CERS6: variants seen among roughly 807,000 people sequenced by gnomAD.
CERS6 encodes LAG1 homolog, ceramide synthase 6.
Under a neutral mutation model 56.8 loss-of-function variants are expected in CERS6, and 26 were observed. The ratio of observed to expected loss-of-function variants is 0.46; its 90% CI spans 0.34 to 0.63. The LOEUF (loss-of-function observed/expected upper bound fraction) is 0.63, where lower values mean the gene tolerates loss of function less well. Ranked by LOEUF, CERS6 falls within the 30% of genes least tolerant of loss-of-function variation. The pLI is 0.01. For synonymous variants in CERS6, 164 were observed against 173.3 expected (o/e 0.95, Z 0.42); for missense variants, 415 against 467.5 (o/e 0.89, Z 1.04).
chr2:168,757,277 G>A (rs114798880), intron 8 of CERS6, among the ~76,000 whole-genome samples: 1 of 151,486 alleles, frequency 6.6e-6, no homozygotes, highest in Non-Finnish European at 1.5e-5. Flanking sequence ...GGTCAGGAGC[G>A]TAGGTAAGTA....
At chr2:168,624,745 A>G (rs879412606) in intron 3 of CERS6, among the ~76,000 whole-genome samples, 1 of 152,188 alleles carries the variant, frequency 6.6e-6, no homozygotes, top group African/African-American at 2.4e-5. Context: ...CGGAAACCTC[A>G]TTGGAAGGTT....
chr2:168,637,874 T>C (rs1227006106), intron 4 of CERS6, among the ~76,000 whole-genome samples: 1 of 152,140 alleles, frequency 6.6e-6, no homozygotes, highest in Non-Finnish European at 1.5e-5. Context: ...TCAATATATC[T>C]TTAATACTTT....
chr2:168,537,775 C>G (rs955923054), intron 1 of CERS6, among the ~76,000 whole-genome samples: 1 of 152,070 alleles, frequency 6.6e-6, no homozygotes. Context: ...AAATAAATTT[C>G]TATCCCTTGC....
At chr2:168,589,886 C>T (rs1486172987) in intron 3 of CERS6, among the ~76,000 whole-genome samples, 1 of 152,124 alleles carries the variant, frequency 6.6e-6, no homozygotes, top group African/African-American at 2.4e-5. Context: ...AGAATAAATT[C>T]CAAGAAATGG....
chr2:168,490,923 G>A (rs758048283), intron 1 of CERS6, among the ~76,000 whole-genome samples: 58 of 152,252 alleles, frequency 3.8e-4, no homozygotes, highest in Non-Finnish European at 7.1e-4. Flanking sequence ...CTTTGACATC[G>A]GGCTAACTTA....
At chr2:168,754,704 C>T (rs914825281) in intron 8 of CERS6, among the ~76,000 whole-genome samples, 7 of 152,218 alleles carry the variant, frequency 4.6e-5, no homozygotes, top group Non-Finnish European at 2.9e-5. Flanking sequence ...AACATGATCG[C>T]TTCTAAACCT....
intron 1 of CERS6, among the ~76,000 whole-genome samples, chr2:168,495,844 C>T (rs745343068): frequency 1.3e-5 from 2 of 152,192 alleles, no homozygotes; most frequent in Admixed American, 6.5e-5. Context: ...CTATCTGGTA[C>T]AGTGGTTATT....
At chr2:168,618,503 T>G (rs967156290) in intron 3 of CERS6, among the ~76,000 whole-genome samples, 3 of 152,006 alleles carry the variant, frequency 2.0e-5, no homozygotes, top group African/African-American at 7.2e-5. Context: ...TCCAAAAAGC[T>G]CCTAGAACTG....
chr2:168,500,186 T>C (rs534988382), intron 1 of CERS6, among the ~76,000 whole-genome samples: 4 of 152,330 alleles, frequency 2.6e-5, no homozygotes, highest in South Asian at 4.1e-4. Context: ...ATTTTAAATA[T>C]AAGTATTGTT....
intron 8 of CERS6, among the ~76,000 whole-genome samples, chr2:168,728,277 G>A (rs62174440): frequency 0.029 from 4,436 of 151,882 alleles, 89 homozygotes; most frequent in East Asian, 0.068. Flanking sequence ...CATTAGTCTC[G>A]TGAGTAATAA....
At chr2:168,768,637 G>A (rs975345245) in intron 9 of CERS6, among the ~76,000 whole-genome samples, 9 of 151,972 alleles carry the variant, frequency 5.9e-5, no homozygotes, top group Non-Finnish European at 1.0e-4. Context: ...CAGGCACGGT[G>A]TCTCACACCT....
At chr2:168,592,571 G>C (rs1683697948) in intron 3 of CERS6, among the ~76,000 whole-genome samples, 1 of 152,122 alleles carries the variant, frequency 6.6e-6, no homozygotes, top group South Asian at 2.1e-4. Context: ...GTGGTGCCCT[G>C]CAGAATTAGC....
intron 1 of CERS6, among the ~76,000 whole-genome samples, chr2:168,467,890 G>T (rs1225191026): frequency 6.6e-6 from 1 of 152,126 alleles, no homozygotes; most frequent in Non-Finnish European, 1.5e-5. Flanking sequence ...CAAGGACATG[G>T]GGTCATGGTA....
chr2:168,631,626 T>TTA (rs1684735791), intron 4 of CERS6, among the ~76,000 whole-genome samples: 6 of 63,600 alleles, frequency 9.4e-5, no homozygotes, highest in East Asian at 3.3e-4. Flanking sequence ...AATATTTATA[T>TTA]AATATATAGC....
At chr2:168,467,171 G>A (rs954360302) in intron 1 of CERS6, among the ~76,000 whole-genome samples, 7 of 152,212 alleles carry the variant, frequency 4.6e-5, no homozygotes, top group Non-Finnish European at 8.8e-5. Flanking sequence ...AGTTAAGAGT[G>A]GGGGAGGGTG....
At position 168,510,595 on chromosome 2, in the gene CERS6, G is replaced by A. The variant is rs145268519; in HGVS notation, c.171-37001G>A. Among the ~76,000 whole-genome samples, 20 of 152,306 alleles carry A rather than the reference G, an allele frequency of 1.3e-4. No homozygotes were observed. The East Asian group carries it at 2.5e-3, about 19-fold the overall frequency. On this transcript the variant is annotated intron_variant, in intron 1 of 9. Coordinates refer to ENST00000305747, the MANE Select transcript of CERS6 (RefSeq NM_203463.3). ...GCATTTCTCAGAGCATGCCCTGATC[G>A]TTAAGTGAAGTGTGACTGTGTTGTC...
At chr2:168,692,389 C>T (rs1220738561) in intron 5 of CERS6, among the ~76,000 whole-genome samples, 2 of 152,188 alleles carry the variant, frequency 1.3e-5, no homozygotes, top group African/African-American at 2.4e-5. Context: ...GTAATACCTA[C>T]TCTTCTTTTT....
intron 6 of CERS6, among the ~76,000 whole-genome samples, chr2:168,696,477 A>G (rs1686649942): frequency 1.3e-5 from 2 of 152,210 alleles, no homozygotes; most frequent in African/African-American, 4.8e-5. Context: ...TGTTTCTAAA[A>G]CCTTCAAGAC....
At chr2:168,732,080 G>A (rs1344470567) in intron 8 of CERS6, among the ~76,000 whole-genome samples, 1 of 152,160 alleles carries the variant, frequency 6.6e-6, no homozygotes, top group Non-Finnish European at 1.5e-5. Flanking sequence ...TCTAAGTAAT[G>A]AATTATTCAT....
Sources: allele counts gnomAD v4.1 joint callset (sites outside exome capture counted in the v4.1 genomes callset), GRCh38; gene constraint gnomAD v4.1.1; transcripts MANE v1.5; gene names NCBI Gene and HGNC (gene_info 2026-07-23, HGNC 2026-07-21).